The following NDC1 variants were observed in gnomAD, a reference collection of about 807,000 sequenced individuals.
NDC1 encodes the protein nucleoporin NDC1.
A neutral mutation model predicts 89.8 loss-of-function variants in NDC1; 24 were observed. The ratio of observed to expected loss-of-function variants is 0.27; its 90% CI spans 0.19 to 0.38. The LOEUF (loss-of-function observed/expected upper bound fraction) is 0.38. Among genes scored for constraint, NDC1 ranks in the 10% least tolerant of loss-of-function variants. The pLI is 1.00. For synonymous variants in NDC1, 296 were observed against 284.8 expected (o/e 1.04, Z -0.39); for missense variants, 728 against 797.6 (o/e 0.91, Z 1.05).
chr1:53,813,012 T>A (rs1268178408), intron 6 of NDC1, among the ~76,000 whole-genome samples: 1 of 152,176 alleles, frequency 6.6e-6, no homozygotes, highest in African/African-American at 2.4e-5. Context: ...AAACTAAGCA[T>A]CATATATGAA....
At chr1:53,826,072 G>A (rs762278248) in intron 4 of NDC1, 136 bp from the exon 5 acceptor site, 39 of 813,932 alleles carry the variant, frequency 4.8e-5, no homozygotes, top group Non-Finnish European at 6.9e-5. Flanking sequence ...AAGATGGCTC[G>A]TTTTCAGTAA....
At chr1:53,800,659 A>C in intron 11 of NDC1, 34 bp downstream of exon 11, 1 of 1,607,560 alleles carries the variant, frequency 6.2e-7, no homozygotes, top group East Asian at 2.2e-5. Flanking sequence ...ATAAAATGTA[A>C]ATGTTTTCCC....
intron 15 of NDC1, among the ~76,000 whole-genome samples, chr1:53,787,642 T>G (rs916967128): frequency 7.0e-5 from 10 of 142,004 alleles, no homozygotes; most frequent in African/African-American, 2.7e-4. Flanking sequence ...GTCTCGAAAA[T>G]AAAAAGTAAA....
At chr1:53,804,721 C>A (rs1006891972) in intron 9 of NDC1, among the ~76,000 whole-genome samples, 1 of 152,162 alleles carries the variant, frequency 6.6e-6, no homozygotes, top group Non-Finnish European at 1.5e-5. Flanking sequence ...AAGTGATCCA[C>A]CTGCCTTGGC....
chr1:53,797,259 A>C, intron 11 of NDC1, 115 bp from the exon 12 acceptor site: 1 of 950,390 alleles, frequency 1.1e-6, no homozygotes, highest in Non-Finnish European at 1.6e-6. Context: ...CCCAAAGCTC[A>C]GTAGATTGTT....
intron 8 of NDC1, 66 bp from the exon 9 acceptor site, chr1:53,806,583 A>G (rs1648118720): frequency 4.0e-6 from 4 of 997,554 alleles, no homozygotes; most frequent in Non-Finnish European, 4.2e-6. Flanking sequence ...AGCATGCACA[A>G]ATTAAAACAT....
At chr1:53,778,115 G>A (rs1208867394) in intron 16 of NDC1, among the ~76,000 whole-genome samples, 2 of 152,034 alleles carry the variant, frequency 1.3e-5, no homozygotes, top group African/African-American at 4.8e-5. Flanking sequence ...TGCTGACACA[G>A]GCTATTTATA....
Position 53,798,551 on chromosome 1 carries a change from CTTTTT to C in NDC1, c.1223-1412_1223-1408del, listed in dbSNP as rs377090464. 1.2e-3 allele frequency among the ~76,000 whole-genome samples: 171 copies of C among 138,608 alleles called. 1 individual carries two copies. Among genetic ancestry groups the C allele is most frequent in the African/African-American group, 4.0e-3 (152 of 38,012 alleles). 90.9% of individuals were successfully genotyped at this position (138,608 alleles called of 152,430 possible). A position where few individuals can be genotyped will look rare whatever the true frequency, so the allele number is the denominator to read the frequency against. On this transcript the variant is annotated intron_variant, in intron 11 of 17. Coordinates refer to ENST00000371429, the MANE Select transcript of NDC1 (RefSeq NM_018087.5). ...ACCAAATTTTCATTATATGACTTTTCTTTTTTTTTTTTTTTCTCCTTAAGAAGGAG... is the reference window on the plus strand; with the variant it reads ...ACCAAATTTTCATTATATGACTTTTCTTTTTTTTTTCTCCTTAAGAAGGAG...
intron 11 of NDC1, among the ~76,000 whole-genome samples, chr1:53,798,551 CTT>C (rs377090464): frequency 6.6e-4 from 92 of 138,586 alleles, no homozygotes; most frequent in African/African-American, 2.2e-3. Flanking sequence ...TATGACTTTT[CTT>C]TTTTTTTTTT....
At chr1:53,789,558 G>A (rs747633529) in intron 14 of NDC1, among the ~76,000 whole-genome samples, 6 of 152,224 alleles carry the variant, frequency 3.9e-5, no homozygotes, top group South Asian at 2.1e-4. Context: ...GCTCATGCCT[G>A]TAATTCCAGC....
chr1:53,770,602 C>T (rs1333696592), intron 17 of NDC1, among the ~76,000 whole-genome samples: 9 of 150,274 alleles, frequency 6.0e-5, no homozygotes, highest in Non-Finnish European at 8.9e-5. Context: ...CCTCTGCAAC[C>T]GGCCCATTCT....
chr1:53,792,398 T>G (rs1449330372), intron 14 of NDC1, among the ~76,000 whole-genome samples: 1 of 152,196 alleles, frequency 6.6e-6, no homozygotes, highest in Admixed American at 6.5e-5. Context: ...CCTTCCACCA[T>G]AGTGGAAAAG....
chr1:53,814,920 C>A (rs1570217135), intron 6 of NDC1, among the ~76,000 whole-genome samples: 1 of 152,066 alleles, frequency 6.6e-6, no homozygotes, highest in East Asian at 1.9e-4. Context: ...AATCAGATAA[C>A]CTGAACAGAC....
chr1:53,832,683 T>G, intron 2 of NDC1, 92 bp from the exon 3 acceptor site: 1 of 651,468 alleles, frequency 1.5e-6, no homozygotes, highest in South Asian at 2.0e-5. Context: ...GAACCACAAT[T>G]GTCATTAATT....
At chr1:53,819,203 CAA>C in intron 5 of NDC1, 124 bp from the exon 6 acceptor site, 2 of 617,196 alleles carry the variant, frequency 3.2e-6, no homozygotes, top group Non-Finnish European at 5.7e-6. Context: ...TATAAGAAGA[CAA>C]AGAGTATTGC....
chr1:53,797,403 A>G (rs1647756004), intron 11 of NDC1, among the ~76,000 whole-genome samples: 1 of 152,144 alleles, frequency 6.6e-6, no homozygotes, highest in Admixed American at 6.5e-5. Flanking sequence ...CTTCATCTTC[A>G]ACGTCAATTT....
chr1:53,794,254 G>GA (rs1024036147), intron 13 of NDC1, among the ~76,000 whole-genome samples: 22 of 151,714 alleles, frequency 1.5e-4, no homozygotes, highest in African/African-American at 2.4e-5. Context: ...GAGATTACAG[G>GA]AAAAAAAATA....
chr1:53,771,073 A>C (rs1483318467), intron 17 of NDC1: 2 of 163,338 alleles, frequency 1.2e-5, no homozygotes, highest in African/African-American at 4.8e-5. Context: ...TAAAGCTGGC[A>C]GGAACTTCAA....
At position 53,765,888 on chromosome 1, in the gene NDC1, C is replaced by G. The variant is rs978497947; in HGVS notation, c.*2082G>C. On this transcript the variant is annotated 3_prime_UTR_variant, in exon 18 of 18. Coordinates refer to ENST00000371429, the MANE Select transcript of NDC1 (RefSeq NM_018087.5). Reference sequence around the variant, plus strand: ...CTCTCCTCTTGGTCTCCCTAAGGTCCTCCTCCTAGTACACAGGAGGAGTTC... The same window carrying G: ...CTCTCCTCTTGGTCTCCCTAAGGTCGTCCTCCTAGTACACAGGAGGAGTTC... The G allele has an allele frequency of 6.6e-6, 1 of 152,156 alleles. No homozygotes were observed. Among genetic ancestry groups the G allele is most frequent in the Non-Finnish European group, 1.5e-5 (1 of 68,022 alleles). 9.4% of individuals were successfully genotyped at this position (152,156 alleles called of 1,614,324 possible).
Sources: gnomAD v4.1 joint callset for allele counts (sites outside exome capture counted in the v4.1 genomes callset) on GRCh38, gnomAD v4.1.1 for gene constraint, MANE v1.5 for transcripts, NCBI Gene and HGNC (gene_info 2026-07-23, HGNC 2026-07-21) for gene names.